NPLOC4: variants seen among roughly 807,000 people sequenced by gnomAD.
The protein encoded by NPLOC4 is NPL4 homolog, ubiquitin recognition factor.
A neutral mutation model predicts 80.6 loss-of-function variants in NPLOC4; 18 were observed. The observed-to-expected ratio is 0.22, with a 90% CI of 0.15 to 0.33. The LOEUF is 0.33. NPLOC4 is among the 10% of genes least tolerant of loss of function. The pLI is 1.00. For synonymous variants in NPLOC4, 313 were observed against 301.5 expected, an observed-to-expected ratio of 1.04 and a Z score of -0.39; for missense variants, 540 against 786.1, an observed-to-expected ratio of 0.69 and a Z score of 3.74.
chr17:81,567,589 C>T lies in NPLOC4; in HGVS notation c.1450-56G>A. Reference sequence around the variant, plus strand: ...CATACAGTTCCCCAGTGCCAGACCCCGAAACAGAGCTGTTTCCTACTAAGA... The same window carrying T: ...CATACAGTTCCCCAGTGCCAGACCCTGAAACAGAGCTGTTTCCTACTAAGA... On this transcript the variant is annotated intron_variant, in intron 14 of 16. Coordinates refer to ENST00000331134, the MANE Select transcript of NPLOC4 (RefSeq NM_017921.4). This position sits in a 1 kb window ranked among gnomAD's most constrained non-coding sequence, Gnocchi z 4.5. 1.9e-6 allele frequency: 2 copies of T among 1,044,320 alleles called. No homozygotes were observed. The highest frequency in any genetic ancestry group is 1.4e-5 in the South Asian group (1 of 73,176). The allele number at this position is 1,044,320 out of a possible 1,614,324, so 64.7% of individuals were successfully genotyped here.
intron 3 of NPLOC4, among the ~76,000 whole-genome samples, chr17:81,621,722 G>A (rs1183575699): frequency 6.6e-6 from 1 of 152,200 alleles, no homozygotes; most frequent in African/African-American, 2.4e-5. Flanking sequence ...GCCAGGCTGT[G>A]ACAAGAGGTC....
intron 12 of NPLOC4, among the ~76,000 whole-genome samples, chr17:81,585,658 T>G: frequency 7.9e-6 from 1 of 127,200 alleles, no homozygotes; most frequent in East Asian, 3.0e-4. Flanking sequence ...AAGACTCCAT[T>G]TCTGGGGGGG....
chr17:81,592,222 C>A (rs540482804), intron 11 of NPLOC4, among the ~76,000 whole-genome samples: 32 of 152,148 alleles, frequency 2.1e-4, no homozygotes, highest in African/African-American at 7.5e-4. Context: ...GGATGTGGGA[C>A]GGGAATGCAA....
intron 12 of NPLOC4, among the ~76,000 whole-genome samples, chr17:81,581,375 A>AAAAAAAAC (rs1555680405): frequency 1.4e-5 from 1 of 72,810 alleles, no homozygotes; most frequent in African/African-American, 4.7e-5. Context: ...AAAAAAAAAA[A>AAAAAAAAC]AGTTAATAAA....
In NPLOC4 at chr17:81,577,117, G is replaced by T. The variant is rs1319802737; in HGVS notation, c.1282-5029C>A. Among the ~76,000 whole-genome samples, 1 of 152,138 alleles carries T rather than the reference G, an allele frequency of 6.6e-6. No homozygotes were observed. Among genetic ancestry groups the T allele is most frequent in the Non-Finnish European group, 1.5e-5 (1 of 68,032 alleles). ...AAGCAATGCCTGGCCACAGCAAGGGGCAGTGGGTTCCTCAGAGATACCCTC... is the reference window on the plus strand; with the variant it reads ...AAGCAATGCCTGGCCACAGCAAGGGTCAGTGGGTTCCTCAGAGATACCCTC... On this transcript the variant is annotated intron_variant, in intron 12 of 16. Transcript: ENST00000331134. The surrounding 1 kb of genome is among the most constrained non-coding windows in gnomAD (Gnocchi z 4.3).
At chr17:81,575,494 G>A (rs1238269111) in intron 12 of NPLOC4, among the ~76,000 whole-genome samples, 1 of 152,160 alleles carries the variant, frequency 6.6e-6, no homozygotes, top group African/African-American at 2.4e-5. Flanking sequence ...CATTTCTCAG[G>A]GGCCAGCTGT....
intron 1 of NPLOC4, among the ~76,000 whole-genome samples, 164 bp downstream of exon 1, chr17:81,636,752 G>C (rs994329137): frequency 2.0e-5 from 3 of 151,992 alleles, no homozygotes; most frequent in African/African-American, 7.3e-5. Flanking sequence ...CGAGGGGGGT[G>C]AAAGTCCCCG....
intron 4 of NPLOC4, 109 bp downstream of exon 4, chr17:81,613,209 C>A: frequency 1.1e-6 from 1 of 895,260 alleles, no homozygotes; most frequent in Non-Finnish European, 1.6e-6. Context: ...TAAGACTTAA[C>A]ATTTCTTCAT....
chr17:81,626,526 C>T (rs946341137), intron 2 of NPLOC4, among the ~76,000 whole-genome samples: 2 of 152,104 alleles, frequency 1.3e-5, no homozygotes, highest in African/African-American at 2.4e-5. Context: ...ACCAAGAAGA[C>T]GGTGGAACGA....
At chr17:81,602,980 T>TAC (rs150613321) in intron 8 of NPLOC4, among the ~76,000 whole-genome samples, 22,430 of 144,814 alleles carry the variant, frequency 0.15, 2,102 homozygotes, top group East Asian at 0.52. Flanking sequence ...TATACACAAA[T>TAC]ACACACACAC....
intron 11 of NPLOC4, among the ~76,000 whole-genome samples, chr17:81,589,704 T>C (rs2034683701): frequency 6.6e-6 from 1 of 151,534 alleles, no homozygotes; most frequent in South Asian, 2.1e-4. Flanking sequence ...TGTTAAACTT[T>C]TGAAAAAAAG....
chr17:81,635,872 C>T (rs767552587), intron 1 of NPLOC4, among the ~76,000 whole-genome samples: 44 of 152,102 alleles, frequency 2.9e-4, no homozygotes, highest in Non-Finnish European at 5.6e-4. Context: ...AGTTTTTTTC[C>T]CATCACATTT....
At chr17:81,594,173 G>A (rs768395040) in intron 11 of NPLOC4, among the ~76,000 whole-genome samples, 13 of 150,678 alleles carry the variant, frequency 8.6e-5, no homozygotes, top group Non-Finnish European at 1.6e-4. Flanking sequence ...TACTCGGGAG[G>A]CTGAGGCAGG....
rs1437079252 is a variant in NPLOC4, at chr17:81,580,264, G to T, written c.1282-8176C>A. On this transcript the variant is annotated intron_variant, in intron 12 of 16. Transcript: ENST00000331134. This position sits in a 1 kb window ranked among gnomAD's most constrained non-coding sequence, Gnocchi z 4.4. ...CCTCTGCACTAGCACATCGCCGACA[G>T]ATCCCCAGCCTTCCAGCCTGGCCTG... 6.6e-6 allele frequency among the ~76,000 whole-genome samples: 1 copy of T among 152,152 alleles called. No homozygotes were observed. Among genetic ancestry groups the T allele is most frequent in the Non-Finnish European group, 1.5e-5 (1 of 68,016 alleles).
intron 16 of NPLOC4, chr17:81,565,050 G>C (rs1273405190): frequency 2.0e-6 from 1 of 499,114 alleles, no homozygotes; most frequent in African/African-American, 2.0e-5. Context: ...GACACGCAAT[G>C]CCTGCGGTCC....
At chr17:81,616,760 C>T (rs1375168982) in intron 3 of NPLOC4, among the ~76,000 whole-genome samples, 3 of 151,738 alleles carry the variant, frequency 2.0e-5, no homozygotes, top group South Asian at 2.1e-4. Context: ...CACACTACCA[C>T]GCAAGTAAGA....
At chr17:81,559,880 G>A (rs2033795525) in intron 16 of NPLOC4, among the ~76,000 whole-genome samples, 1 of 151,818 alleles carries the variant, frequency 6.6e-6, no homozygotes, top group African/African-American at 2.4e-5. Context: ...TTACAGGCAT[G>A]AACCACAATG....
Position 81,567,594 on chromosome 17 carries a change from CAG to C in NPLOC4, c.1450-63_1450-62del. On this transcript the variant is annotated intron_variant, in intron 14 of 16. Transcript: ENST00000331134. This position sits in a 1 kb window ranked among gnomAD's most constrained non-coding sequence, Gnocchi z 4.5. ...AGTTCCCCAGTGCCAGACCCCGAAA[CAG>C]AGCTGTTTCCTACTAAGACGCAACT... 9.8e-7 allele frequency: 1 copy of C among 1,025,158 alleles called. No homozygotes were observed. The highest frequency in any genetic ancestry group is 1.5e-6 in the Non-Finnish European group (1 of 665,976). 63.5% of individuals were successfully genotyped at this position (1,025,158 alleles called of 1,614,324 possible). A position where few individuals can be genotyped will look rare whatever the true frequency, so the allele number is the denominator to read the frequency against.
chr17:81,605,053 G>A lies in NPLOC4; in HGVS notation c.655-326C>T, dbSNP rs533204962. Among the ~76,000 whole-genome samples the A allele has an allele frequency of 1.7e-4, 26 of 151,062 alleles. No homozygotes were observed. The East Asian group carries it at 4.8e-3, about 28-fold the overall frequency. On this transcript the variant is annotated intron_variant, in intron 7 of 16. Transcript: ENST00000331134. ...AGGCGGGCGGATCATGAGGTCAGGA[G>A]ATCAAGACCATCCTGACCAACATGA...
Sources: gnomAD v4.1 joint callset for allele counts (sites outside exome capture counted in the v4.1 genomes callset) on GRCh38, gnomAD v4.1.1 for gene constraint, Gnocchi (gnomAD v3.1) non-coding constraint, MANE v1.5 for transcripts, NCBI Gene and HGNC (gene_info 2026-07-23, HGNC 2026-07-21) for gene names.